LRRIQ3: variants seen among roughly 807,000 people sequenced by gnomAD.
LRRIQ3 encodes leucine rich repeats and IQ motif containing 3.
A neutral mutation model predicts 59.3 loss-of-function variants in LRRIQ3; 75 were observed. That is an observed-to-expected ratio of 1.26 (90% CI 1.05 to 1.53). The LOEUF (loss-of-function observed/expected upper bound fraction) is 1.53, where lower values mean the gene tolerates loss of function less well. Among genes scored for constraint, LRRIQ3 ranks in the 40% most tolerant of loss-of-function variants. The pLI is 0.00. For synonymous variants in LRRIQ3, 250 were observed against 231.3 expected (o/e 1.08, Z -0.73); for missense variants, 831 against 710.0 (o/e 1.17, Z -1.94).
intron 4 of LRRIQ3, 80 bp from the exon 5 acceptor site, chr1:74,109,633 C>T (rs984347415): frequency 2.6e-6 from 3 of 1,163,974 alleles, no homozygotes; most frequent in Non-Finnish European, 3.6e-6. Context: ...AGTTCACTTA[C>T]ATCTTAGAAA....
intron 4 of LRRIQ3, 98 bp from the exon 5 acceptor site, chr1:74,109,651 GT>G (rs1406797197): frequency 1.0e-6 from 1 of 954,198 alleles, no homozygotes; most frequent in African/African-American, 1.7e-5. Flanking sequence ...AAAACATAGT[GT>G]TAAATTGAAT....
At chr1:74,075,764 A>G (rs1570074049) in intron 5 of LRRIQ3, among the ~76,000 whole-genome samples, 1 of 152,076 alleles carries the variant, frequency 6.6e-6, no homozygotes, top group Admixed American at 6.6e-5. Context: ...AGCTTTCATC[A>G]GGTTATCAGG....
At chr1:74,181,312 T>C (rs1415726869) in intron 3 of LRRIQ3, 1 of 152,246 alleles carries the variant, frequency 6.6e-6, no homozygotes, top group African/African-American at 2.4e-5. Context: ...AAATGTTGGG[T>C]TGATCACCTT....
At chr1:74,099,410 A>G (rs1646498248) in intron 5 of LRRIQ3, among the ~76,000 whole-genome samples, 1 of 152,186 alleles carries the variant, frequency 6.6e-6, no homozygotes, top group Admixed American at 6.5e-5. Context: ...TGAGGCAATA[A>G]TTAATAGCCT....
At position 74,176,157 on chromosome 1, in the gene LRRIQ3, A is replaced by G. The variant is rs146505789; in HGVS notation, c.573+6381T>C. 2.9e-3 allele frequency among the ~76,000 whole-genome samples: 436 copies of G among 152,226 alleles called. 2 individuals are homozygous for G. Among genetic ancestry groups the G allele is most frequent in the African/African-American group, 0.01 (418 of 41,546 alleles). ...TTATTTTAGGGGAGGTATGCTAGTA[A>G]TAGATTCTCTTAGTTTTCCTCTATC... On this transcript the variant is annotated intron_variant, in intron 3 of 7. Coordinates refer to ENST00000354431, the MANE Select transcript of LRRIQ3 (RefSeq NM_001105659.2).
At chr1:74,050,940 A>G (rs1654351444) in intron 6 of LRRIQ3, among the ~76,000 whole-genome samples, 1 of 152,292 alleles carries the variant, frequency 6.6e-6, no homozygotes, top group East Asian at 1.9e-4. Context: ...TCTGGTATAA[A>G]TGACTTATCT....
intron 1 of LRRIQ3, among the ~76,000 whole-genome samples, chr1:74,187,859 T>C (rs1419525089): frequency 6.6e-6 from 1 of 152,188 alleles, no homozygotes; most frequent in Non-Finnish European, 1.5e-5. Flanking sequence ...GAAGACAGTG[T>C]GGCAATTTCC....
At chr1:74,071,636 C>T (rs1655031517) in intron 6 of LRRIQ3, among the ~76,000 whole-genome samples, 1 of 152,004 alleles carries the variant, frequency 6.6e-6, no homozygotes, top group Non-Finnish European at 1.5e-5. Flanking sequence ...GAGATAAGAT[C>T]TTTGATTTGT....
At chr1:74,053,336 T>G (rs1303861123) in intron 6 of LRRIQ3, among the ~76,000 whole-genome samples, 1 of 152,082 alleles carries the variant, frequency 6.6e-6, no homozygotes, top group Admixed American at 6.6e-5. Flanking sequence ...TGACAATAAC[T>G]TCTTTAAAAA....
intron 4 of LRRIQ3, among the ~76,000 whole-genome samples, chr1:74,144,704 T>A (rs977400898): frequency 1.8e-4 from 28 of 151,990 alleles, no homozygotes; most frequent in Middle Eastern, 3.4e-3. Flanking sequence ...TTGCATATTT[T>A]TCTTTTTTTT....
intron 5 of LRRIQ3, among the ~76,000 whole-genome samples, chr1:74,101,353 A>T (rs1399628639): frequency 2.0e-5 from 3 of 152,192 alleles, no homozygotes; most frequent in African/African-American, 7.2e-5. Flanking sequence ...TAAAAACCAC[A>T]ATGAGATATC....
chr1:74,132,540 G>C (rs1357347945), intron 4 of LRRIQ3, among the ~76,000 whole-genome samples: 1 of 152,064 alleles, frequency 6.6e-6, no homozygotes, highest in Non-Finnish European at 1.5e-5. Context: ...GAACAGAACA[G>C]AGCCCTCAGA....
chr1:74,155,626 A>C (rs761377810), intron 4 of LRRIQ3, 107 bp downstream of exon 4: 67 of 959,498 alleles, frequency 7.0e-5, no homozygotes, highest in Admixed American at 3.2e-4. Context: ...ATACCATTTT[A>C]ATGATAGAGA....
At chr1:74,152,940 C>T (rs1415041446) in intron 4 of LRRIQ3, among the ~76,000 whole-genome samples, 1 of 152,138 alleles carries the variant, frequency 6.6e-6, no homozygotes, top group East Asian at 1.9e-4. Context: ...AGCCTCCCCA[C>T]CAAGTTTAAA....
In LRRIQ3 at chr1:74,198,167, G is replaced by A. The variant is rs77030123; in HGVS notation, c.-172C>T. The A allele has an allele frequency of 2.0e-6, 3 of 1,522,112 alleles. No homozygotes were observed. The African/African-American group carries it at 4.1e-5, about 21-fold the overall frequency. The allele number at this position is 1,522,112 out of a possible 1,614,324, so 94.3% of individuals were successfully genotyped here. A position where few individuals can be genotyped will look rare whatever the true frequency, so the allele number is the denominator to read the frequency against. ...CCGGGCGCCAGCCAAGGCGCTCCGG[G>A]GGCGTGGTTACGTGGGCGACGCACG... is the stretch of plus-strand genomic sequence containing the variant. On this transcript the variant is annotated 5_prime_UTR_variant, in exon 1 of 8. Coordinates refer to ENST00000354431, the MANE Select transcript of LRRIQ3 (RefSeq NM_001105659.2).
chr1:74,055,972 G>A (rs1319055821), intron 6 of LRRIQ3, among the ~76,000 whole-genome samples: 1 of 151,742 alleles, frequency 6.6e-6, no homozygotes, highest in African/African-American at 2.4e-5. Context: ...GAGAAAGCCC[G>A]TCTCTACTAA....
chr1:74,142,496 T>C (rs1291218845), intron 4 of LRRIQ3, among the ~76,000 whole-genome samples: 1 of 152,004 alleles, frequency 6.6e-6, no homozygotes, highest in Non-Finnish European at 1.5e-5. Context: ...TTTCTGACTT[T>C]GCAAATTAGG....
intron 3 of LRRIQ3, among the ~76,000 whole-genome samples, chr1:74,178,908 T>C (rs549492913): frequency 6.6e-6 from 1 of 152,108 alleles, no homozygotes; most frequent in Non-Finnish European, 1.5e-5. Flanking sequence ...TGAAGTTCAT[T>C]GCCTATGAGA....
chr1:74,157,847 T>G (rs963913135), intron 3 of LRRIQ3, among the ~76,000 whole-genome samples: 1 of 152,176 alleles, frequency 6.6e-6, no homozygotes, highest in Non-Finnish European at 1.5e-5. Flanking sequence ...ACACTCACTT[T>G]TGTGCTACAG....
Sources: gnomAD v4.1 joint callset for allele counts (sites outside exome capture counted in the v4.1 genomes callset) on GRCh38, gnomAD v4.1.1 for gene constraint, MANE v1.5 for transcripts, NCBI Gene and HGNC (gene_info 2026-07-23, HGNC 2026-07-21) for gene names.